The following SUPT3H variants were observed in gnomAD, a reference collection of about 807,000 sequenced individuals.
SUPT3H encodes transcription initiation protein SPT3 homolog.
In SUPT3H, 44 loss-of-function variants were observed where a neutral mutation model predicts 44.3. The ratio of observed to expected loss-of-function variants is 0.99; its 90% confidence interval spans 0.78 to 1.28. SUPT3H has a LOEUF of 1.28. SUPT3H is among the 50% of genes most tolerant of loss of function. The probability of loss-of-function intolerance (pLI) is 0.00; values close to 1 mark genes in which losing one functional copy is unlikely to be tolerated. For missense variants in SUPT3H, 380 were observed against 387.1 expected, an observed-to-expected ratio of 0.98 and a Z score of 0.15; for synonymous variants, 124 against 125.6, an observed-to-expected ratio of 0.99 and a Z score of 0.09.
chr6:45,281,705 C>G (rs187597842), intron 2 of SUPT3H, among the ~76,000 whole-genome samples: 2 of 152,156 alleles, frequency 1.3e-5, no homozygotes, highest in Non-Finnish European at 2.9e-5. Flanking sequence ...AACCTCTGCA[C>G]ACTTAAATGT....
chr6:45,248,712 C>A (rs949006451), intron 2 of SUPT3H, among the ~76,000 whole-genome samples: 27 of 151,978 alleles, frequency 1.8e-4, no homozygotes, highest in African/African-American at 6.5e-4. Context: ...GTCAGGAGAT[C>A]GAGACCACCC....
chr6:45,349,636 A>AT (rs1791618247), intron 2 of SUPT3H, among the ~76,000 whole-genome samples: 3 of 152,146 alleles, frequency 2.0e-5, no homozygotes, highest in Admixed American at 1.3e-4. Flanking sequence ...TGGAAGATTC[A>AT]TTTTTTTAAG....
intron 2 of SUPT3H, among the ~76,000 whole-genome samples, chr6:45,351,669 C>T (rs896398071): frequency 6.6e-6 from 1 of 152,132 alleles, no homozygotes; most frequent in Admixed American, 6.6e-5. Context: ...CTTCTCCCTC[C>T]CCATTTTTCT....
At chr6:45,023,195 GA>G (rs1360092399) in intron 3 of SUPT3H, among the ~76,000 whole-genome samples, 1 of 150,704 alleles carries the variant, frequency 6.6e-6, no homozygotes, top group Non-Finnish European at 1.5e-5. Flanking sequence ...ATCATTAAGA[GA>G]AATGCAAATC....
intron 2 of SUPT3H, among the ~76,000 whole-genome samples, chr6:45,264,178 ATTATAAAACAG>A (rs1774875579): frequency 6.6e-6 from 1 of 152,158 alleles, no homozygotes. Context: ...TTACATAAGC[ATTATAAAACAG>A]AAATGACAAA....
Position 44,991,972 on chromosome 6 carries a change from G to A in SUPT3H, c.504+11681C>T, listed in dbSNP as rs2153498679. ...AACAACCATCTGCCCACCTACTGTG[G>A]GGAATGTGGGTAAGGAGAAAGAATA... On this transcript the variant is annotated intron_variant, in intron 6 of 10. Transcript: ENST00000371459. Among the ~76,000 whole-genome samples, 3 of 152,204 alleles carry A rather than the reference G, an allele frequency of 2.0e-5. No homozygotes were observed. The East Asian group carries it at 5.8e-4, about 29-fold the overall frequency.
At chr6:44,922,033 G>C (rs1020485035) in intron 10 of SUPT3H, among the ~76,000 whole-genome samples, 5 of 152,226 alleles carry the variant, frequency 3.3e-5, no homozygotes, top group Admixed American at 6.5e-5. Flanking sequence ...GCCCAGAGCT[G>C]CGAGTGCACT....
intron 6 of SUPT3H, among the ~76,000 whole-genome samples, chr6:44,998,609 T>A (rs1161245700): frequency 6.6e-6 from 1 of 151,948 alleles, no homozygotes; most frequent in Non-Finnish European, 1.5e-5. Flanking sequence ...TTAAATTTTT[T>A]AGTGGCAAAA....
Position 45,180,988 on chromosome 6 carries a change from C to T in SUPT3H, c.102-74982G>A, listed in dbSNP as rs985895571. Among the ~76,000 whole-genome samples, 7 of 151,196 alleles carry T rather than the reference C, an allele frequency of 4.6e-5. No homozygotes were observed. In the Middle Eastern group the frequency reaches 0.01, roughly 220 times the overall value. On this transcript the variant is annotated intron_variant, in intron 2 of 10. Transcript: ENST00000371459. ...TACTCATCTGACAAAGGGCTAATAT[C>T]CAGAATCTACAATGAACTCAAACAA... is the stretch of plus-strand genomic sequence containing the variant.
intron 4 of SUPT3H, among the ~76,000 whole-genome samples, chr6:45,017,579 C>T (rs1190113455): frequency 6.6e-6 from 1 of 151,896 alleles, no homozygotes; most frequent in Non-Finnish European, 1.5e-5. Flanking sequence ...GCCAGTTTTC[C>T]CAGCACCATT....
At chr6:44,882,335 G>A (rs1222819614) in intron 10 of SUPT3H, among the ~76,000 whole-genome samples, 1 of 152,120 alleles carries the variant, frequency 6.6e-6, no homozygotes, top group Non-Finnish European at 1.5e-5. Context: ...ACTAAACTAA[G>A]AAGAAGTACA....
At chr6:44,849,470 G>A (rs1259134314) in intron 10 of SUPT3H, among the ~76,000 whole-genome samples, 2 of 151,614 alleles carry the variant, frequency 1.3e-5, no homozygotes, top group African/African-American at 4.8e-5. Context: ...CTCGTGATCC[G>A]CCCGCCTCGG....
At chr6:44,834,230 A>AAC (rs1175119304) in intron 10 of SUPT3H, among the ~76,000 whole-genome samples, 6 of 152,222 alleles carry the variant, frequency 3.9e-5, no homozygotes, top group Non-Finnish European at 7.4e-5. Context: ...CAATAAATGG[A>AAC]ACATTTTCAG....
At chr6:45,065,670 T>TACTACAA (rs2153546831) in intron 3 of SUPT3H, among the ~76,000 whole-genome samples, 1 of 151,180 alleles carries the variant, frequency 6.6e-6, no homozygotes, top group South Asian at 2.1e-4. Flanking sequence ...CATCAGATAA[T>TACTACAA]ACTACAAACA....
intron 2 of SUPT3H, among the ~76,000 whole-genome samples, chr6:45,260,435 G>C (rs1180695574): frequency 2.0e-5 from 3 of 151,850 alleles, no homozygotes; most frequent in Non-Finnish European, 4.4e-5. Context: ...AAAAATCAAT[G>C]TACCTTTAAA....
chr6:45,279,818 C>T (rs1245603969), intron 2 of SUPT3H, among the ~76,000 whole-genome samples: 1 of 152,104 alleles, frequency 6.6e-6, no homozygotes, highest in Non-Finnish European at 1.5e-5. Context: ...ATATCCGGTC[C>T]AGAAATCTCT....
chr6:44,854,472 T>C (rs1561893415), intron 10 of SUPT3H, among the ~76,000 whole-genome samples: 1 of 152,190 alleles, frequency 6.6e-6, no homozygotes, highest in Non-Finnish European at 1.5e-5. Context: ...GTCATTCTGC[T>C]CTTCTGTTGA....
chr6:45,268,898 C>T (rs1459113474), intron 2 of SUPT3H, among the ~76,000 whole-genome samples: 1 of 152,038 alleles, frequency 6.6e-6, no homozygotes, highest in Non-Finnish European at 1.5e-5. Flanking sequence ...TACTGCTTAA[C>T]CTAATAAAAT....
At chr6:44,918,751 C>A (rs1768186377) in intron 10 of SUPT3H, among the ~76,000 whole-genome samples, 1 of 152,110 alleles carries the variant, frequency 6.6e-6, no homozygotes, top group Non-Finnish European at 1.5e-5. Flanking sequence ...TCAATAAGAT[C>A]ATTTATAAAA....
Sources: allele counts gnomAD v4.1 joint callset (sites outside exome capture counted in the v4.1 genomes callset), GRCh38; gene constraint gnomAD v4.1.1; transcripts MANE v1.5; gene names NCBI Gene and HGNC (gene_info 2026-07-23, HGNC 2026-07-21).